TDRD3: variants seen among roughly 807,000 people sequenced by gnomAD.
TDRD3 encodes the protein tudor domain-containing protein 3.
A neutral mutation model predicts 86.7 loss-of-function variants in TDRD3; 45 were observed. The ratio of observed to expected loss-of-function variants is 0.52; its 90% confidence interval spans 0.41 to 0.67. The LOEUF is 0.67. Ranked by LOEUF, TDRD3 falls within the 30% of genes least tolerant of loss-of-function variation. TDRD3 has a pLI of 0.00. For synonymous variants in TDRD3, 298 were observed against 301.7 expected (o/e 0.99, Z 0.13); for missense variants, 814 against 889.0 (o/e 0.92, Z 1.07).
At chr13:60,517,080 T>TAGAGATG (rs1957189031) in intron 10 of TDRD3, among the ~76,000 whole-genome samples, 1 of 152,200 alleles carries the variant, frequency 6.6e-6, no homozygotes, top group African/African-American at 2.4e-5. Flanking sequence ...ATAATCTGTT[T>TAGAGATG]AGATATTAGC....
chr13:60,551,737 T>C (rs1958059567), intron 12 of TDRD3, among the ~76,000 whole-genome samples: 1 of 152,208 alleles, frequency 6.6e-6, no homozygotes, highest in South Asian at 2.1e-4. Context: ...AGAGGTTTAA[T>C]TGACTCACAG....
chr13:60,405,516 A>C (rs1210780462), intron 1 of TDRD3, among the ~76,000 whole-genome samples: 1 of 152,150 alleles, frequency 6.6e-6, no homozygotes, highest in Non-Finnish European at 1.5e-5. Flanking sequence ...AGAGAATGCT[A>C]TCCTGAGATC....
chr13:60,570,915 A>G (rs1958572408), intron 13 of TDRD3, among the ~76,000 whole-genome samples: 1 of 152,244 alleles, frequency 6.6e-6, no homozygotes, highest in African/African-American at 2.4e-5. Flanking sequence ...CCATATGGTA[A>G]CTGTAGCTTA....
chr13:60,558,269 G>A (rs1958247486), intron 12 of TDRD3, among the ~76,000 whole-genome samples: 1 of 152,178 alleles, frequency 6.6e-6, no homozygotes, highest in Admixed American at 6.6e-5. Context: ...ATTGCTCTCA[G>A]AGAAAGAATT....
chr13:60,433,096 A>G (rs964274919), intron 1 of TDRD3, among the ~76,000 whole-genome samples: 10 of 152,122 alleles, frequency 6.6e-5, no homozygotes, highest in African/African-American at 2.2e-4. Context: ...TCTCATTGGC[A>G]TTTTAAAGAC....
chr13:60,505,326 A>T (rs9538724), intron 8 of TDRD3, among the ~76,000 whole-genome samples: 22,846 of 152,216 alleles, frequency 0.15, 2,153 homozygotes, highest in South Asian at 0.28. Flanking sequence ...GCCACCAGGA[A>T]GTTCTCACTG....
intron 8 of TDRD3, among the ~76,000 whole-genome samples, chr13:60,495,019 G>A (rs1365610713): frequency 1.3e-5 from 2 of 152,158 alleles, no homozygotes; most frequent in Non-Finnish European, 2.9e-5. Flanking sequence ...AGATAAATGA[G>A]TGGAGTCAAA....
At chr13:60,540,712 A>G (rs964974447) in intron 12 of TDRD3, among the ~76,000 whole-genome samples, 1 of 152,210 alleles carries the variant, frequency 6.6e-6, no homozygotes, top group Non-Finnish European at 1.5e-5. Context: ...AATAATCTGT[A>G]CAAAGTATTG....
chr13:60,556,970 T>C (rs1958201625), intron 12 of TDRD3, among the ~76,000 whole-genome samples: 2 of 152,120 alleles, frequency 1.3e-5, no homozygotes, highest in Non-Finnish European at 1.5e-5. Flanking sequence ...TTTAGGAGGC[T>C]GAGGCGGGCA....
At chr13:60,520,911 T>G (rs1375148891) in intron 10 of TDRD3, among the ~76,000 whole-genome samples, 1 of 152,226 alleles carries the variant, frequency 6.6e-6, no homozygotes, top group African/African-American at 2.4e-5. Context: ...CAGTTTTATA[T>G]ATATTTTCAA....
chr13:60,460,419 A>G lies in TDRD3; in HGVS notation c.232A>G (p.Asn78Asp), dbSNP rs780078372. 1 of 1,603,012 alleles carries G rather than the reference A, an allele frequency of 6.2e-7. No individual in the cohort carries two copies. The highest frequency in any genetic ancestry group is 8.5e-7 in the Non-Finnish European group (1 of 1,177,224). ...TGTTTTGCAAATTCAAAAAATTCGC[A>G]ATGTTGCTGCACCAAAGGATAATGA... is the stretch of plus-strand genomic sequence containing the variant. ...PCVLQIQKIR[N>D]VAAPKDNEES... is the part of the protein sequence containing the mutation. Residue 78 changes from asparagine to aspartate, a missense_variant, in exon 4 of 14, where the codon AAT (asparagine) becomes GAT (aspartate). Transcript: ENST00000377881.
chr13:60,432,595 GGA>G (rs1370266171), intron 1 of TDRD3, among the ~76,000 whole-genome samples: 5 of 152,094 alleles, frequency 3.3e-5, no homozygotes, highest in Admixed American at 1.3e-4. Flanking sequence ...TTTACACTAT[GGA>G]GAGAGAAACA....
At chr13:60,475,953 G>A (rs893153196) in intron 5 of TDRD3, among the ~76,000 whole-genome samples, 1 of 152,122 alleles carries the variant, frequency 6.6e-6, no homozygotes, top group African/African-American at 2.4e-5. Flanking sequence ...TTTGTTGGAT[G>A]TACAGTTGAC....
intron 2 of TDRD3, 121 bp downstream of exon 2, chr13:60,439,893 A>C: frequency 1.6e-6 from 1 of 613,368 alleles, no homozygotes; most frequent in Non-Finnish European, 2.6e-6. Context: ...TATTTTGTCC[A>C]TTTTAAGTTG....
chr13:60,565,003 T>C (rs1022918556), intron 12 of TDRD3, among the ~76,000 whole-genome samples: 2 of 148,942 alleles, frequency 1.3e-5, no homozygotes, highest in African/African-American at 4.9e-5. Flanking sequence ...AGATTGTGAC[T>C]CTGACAATAC....
chr13:60,563,026 C>T (rs1485977384), intron 12 of TDRD3, among the ~76,000 whole-genome samples: 1 of 151,916 alleles, frequency 6.6e-6, no homozygotes, highest in Non-Finnish European at 1.5e-5. Context: ...GTCAGGAGCT[C>T]AAGACCAGCC....
At chr13:60,397,493 G>A in intron 1 of TDRD3, 88 bp downstream of exon 1, 2 of 1,166,208 alleles carry the variant, frequency 1.7e-6, no homozygotes, top group Non-Finnish European at 2.3e-6. Context: ...GGTGCGTGTC[G>A]GGGTAGGCGG....
chr13:60,551,592 T>C (rs2137902130), intron 12 of TDRD3, among the ~76,000 whole-genome samples: 1 of 152,328 alleles, frequency 6.6e-6, no homozygotes, highest in South Asian at 2.1e-4. Context: ...TGCACTACCC[T>C]TTTCTTTAGA....
Position 60,534,254 on chromosome 13 carries a change from A to C in TDRD3, c.1993-854A>C, listed in dbSNP as rs1046884875. ...CTTGAGCCCAGGAGTTTGAGGTTGC[A>C]GTGAGCTATGATCACACCACTGCAT... On this transcript the variant is annotated intron_variant, in intron 11 of 13. Coordinates refer to ENST00000377881, the MANE Select transcript of TDRD3 (RefSeq NM_001146070.2). 2.4e-4 allele frequency among the ~76,000 whole-genome samples: 36 copies of C among 152,234 alleles called. 1 individual carries two copies. Among genetic ancestry groups the C allele is most frequent in the Admixed American group, 2.4e-3 (36 of 15,286 alleles).
Sources: allele counts gnomAD v4.1 joint callset (sites outside exome capture counted in the v4.1 genomes callset), GRCh38; gene constraint gnomAD v4.1.1; transcripts MANE v1.5; gene names NCBI Gene and HGNC (gene_info 2026-07-23, HGNC 2026-07-21).